Variants in SEPTIN9 observed in about 807,000 individuals in gnomAD.
SEPTIN9 encodes septin-9.
Under a neutral mutation model 56.6 loss-of-function variants are expected in SEPTIN9, and 13 were observed. That is an observed-to-expected ratio of 0.23 (90% CI 0.15 to 0.37). SEPTIN9 has a LOEUF of 0.37. Ranked by LOEUF, SEPTIN9 falls within the 10% of genes least tolerant of loss-of-function variation. SEPTIN9 has a pLI of 1.00. For missense variants in SEPTIN9, 650 were observed against 823.1 expected (o/e 0.79, Z 2.57); for synonymous variants, 332 against 334.1 (o/e 0.99, Z 0.07).
At position 77,451,603 on chromosome 17, in the gene SEPTIN9, C is replaced by T. The variant is rs1248252862; in HGVS notation, c.722-30541C>T. On this transcript the variant is annotated intron_variant, in intron 3 of 11. Coordinates refer to ENST00000427177, the MANE Select transcript of SEPTIN9 (RefSeq NM_001113491.2). This position sits in a 1 kb window ranked among gnomAD's most constrained non-coding sequence, Gnocchi z 4.2. ...GCTCTCAGGTGGCGCGGCCGCGAGG[C>T]GGACCCTGATGGCCATGGTGGCGGT... The T allele has an allele frequency of 3.1e-6, 3 of 963,004 alleles. No individual in the cohort carries two copies. Among genetic ancestry groups the T allele is most frequent in the Middle Eastern group, 5.2e-4 (1 of 1,906 alleles). The allele number at this position is 963,004 out of a possible 1,614,324, so 59.7% of individuals were successfully genotyped here.
intron 10 of SEPTIN9, 35 bp downstream of exon 10, chr17:77,493,111 G>T: frequency 6.8e-7 from 1 of 1,475,906 alleles, no homozygotes; most frequent in Non-Finnish European, 9.3e-7. Flanking sequence ...CCAGACAGAT[G>T]GGAAGACAGT....
intron 2 of SEPTIN9, among the ~76,000 whole-genome samples, chr17:77,381,194 C>T (rs1174396593): frequency 2.0e-5 from 3 of 152,194 alleles, no homozygotes; most frequent in Non-Finnish European, 4.4e-5. Context: ...CTTCCTGTAT[C>T]CAGGAGGTTC....
At chr17:77,419,456 C>T (rs907461835) in intron 3 of SEPTIN9, among the ~76,000 whole-genome samples, 3 of 152,022 alleles carry the variant, frequency 2.0e-5, no homozygotes, top group African/African-American at 7.2e-5. Context: ...GTTGCCCAGC[C>T]CAGGAAGAAG....
At chr17:77,430,023 A>G (rs2037068014) in intron 3 of SEPTIN9, among the ~76,000 whole-genome samples, 1 of 152,140 alleles carries the variant, frequency 6.6e-6, no homozygotes, top group Admixed American at 6.5e-5. Context: ...CCATGCAAGC[A>G]CAGTGCTTTC....
At chr17:77,338,326 G>C (rs769995361) in intron 2 of SEPTIN9, among the ~76,000 whole-genome samples, 5 of 144,916 alleles carry the variant, frequency 3.5e-5, no homozygotes, top group Admixed American at 6.9e-5. Context: ...CTTTTTCTTG[G>C]TAGAAGGTCT....
In SEPTIN9 at chr17:77,402,565, C is replaced by G. The variant is rs979440363; in HGVS notation, c.583C>G (p.Pro195Ala). ...PKRVEIQMPK[P>A]AEAPTAPSPA... ...GAGGGTGGAGATCCAGATGCCCAAG[C>G]CTGCTGAGGCGCCCACCGCCCCCAG... Residue 195 changes from proline to alanine, a missense_variant, in exon 3 of 12, where the codon CCT becomes GCT. This residue lies in a region of SEPTIN9 where 317 missense variants were observed against 329.1 expected (regional missense o/e 0.96). Coordinates refer to ENST00000427177, the MANE Select transcript of SEPTIN9 (RefSeq NM_001113491.2). The surrounding 1 kb of genome is among the most constrained non-coding windows in gnomAD (Gnocchi z 6.6). 31 of 1,610,868 alleles carry G rather than the reference C, an allele frequency of 1.9e-5. No individual in the cohort carries two copies. The highest frequency in any genetic ancestry group is 3.4e-5 in the Admixed American group (2 of 59,578).
In SEPTIN9 at chr17:77,435,493, C is replaced by T. The variant is rs57348408; in HGVS notation, c.721+32790C>T. Among the ~76,000 whole-genome samples, 512 of 152,260 alleles carry T rather than the reference C, an allele frequency of 3.4e-3. 2 individuals are homozygous for T. Among genetic ancestry groups the T allele is most frequent in the African/African-American group, 0.011 (471 of 41,556 alleles). On this transcript the variant is annotated intron_variant, in intron 3 of 11. Transcript: ENST00000427177. This position sits in a 1 kb window ranked among gnomAD's most constrained non-coding sequence, Gnocchi z 4.5. ...GGAGAAGTAGAGCAACCATGCCGGG[C>T]GGGTCGTCGTGCCCCAGTGCCGCCT...
At chr17:77,392,841 G>A (rs2035589092) in intron 2 of SEPTIN9, among the ~76,000 whole-genome samples, 1 of 152,116 alleles carries the variant, frequency 6.6e-6, no homozygotes, top group African/African-American at 2.4e-5. Flanking sequence ...GAGCCTGGGG[G>A]CCGCCCTCCA....
At chr17:77,289,952 A>G (rs962354927) in intron 1 of SEPTIN9, among the ~76,000 whole-genome samples, 1 of 152,108 alleles carries the variant, frequency 6.6e-6, no homozygotes, top group African/African-American at 2.4e-5. Flanking sequence ...AAAGGCGTAT[A>G]TTTTCAGAGT....
At chr17:77,464,844 C>T (rs898552442) in intron 3 of SEPTIN9, among the ~76,000 whole-genome samples, 4 of 152,128 alleles carry the variant, frequency 2.6e-5, no homozygotes, top group African/African-American at 7.2e-5. Context: ...CCACCCGCCT[C>T]AGCCTCCCAA....
intron 2 of SEPTIN9, among the ~76,000 whole-genome samples, chr17:77,348,540 T>C (rs1035652451): frequency 3.1e-4 from 47 of 152,286 alleles, no homozygotes; most frequent in African/African-American, 1.1e-3. Context: ...CCTCAGGCGA[T>C]CCGCCCACCC....
chr17:77,357,965 A>C (rs2034306286), intron 2 of SEPTIN9, among the ~76,000 whole-genome samples: 1 of 152,192 alleles, frequency 6.6e-6, no homozygotes. Flanking sequence ...CTATGAAACG[A>C]GGGCGTTAAA....
chr17:77,484,898 GTGGTGA>G lies in SEPTIN9; in HGVS notation c.914-2517_914-2512del, dbSNP rs1235441110. On this transcript the variant is annotated intron_variant, in intron 4 of 11. Transcript: ENST00000427177. Reference sequence around the variant, plus strand: ...GATGGTTGTGATTGTGATGGTGGTGGTGGTGATGGTGATGATGGTGGTGATTGTGAT... The same window carrying G: ...GATGGTTGTGATTGTGATGGTGGTGGTGGTGATGATGGTGGTGATTGTGAT... Among the ~76,000 whole-genome samples, 341 of 97,302 alleles carry G rather than the reference GTGGTGA, an allele frequency of 3.5e-3. 13 individuals carry two copies. The highest frequency in any genetic ancestry group is 0.016 in the African/African-American group (256 of 16,326). 63.8% of individuals were successfully genotyped at this position (97,302 alleles called of 152,430 possible).
chr17:77,480,355 G>T (rs77618212), intron 3 of SEPTIN9, among the ~76,000 whole-genome samples: 1 of 152,328 alleles, frequency 6.6e-6, no homozygotes, highest in Non-Finnish European at 1.5e-5. Context: ...GCCTCCCTCC[G>T]ACACCCTCTG....
chr17:77,461,160 G>A (rs1422650912), intron 3 of SEPTIN9, among the ~76,000 whole-genome samples: 1 of 151,946 alleles, frequency 6.6e-6, no homozygotes, highest in Non-Finnish European at 1.5e-5. Flanking sequence ...CAAAAAATTG[G>A]CTGGGTGTGG....
intron 3 of SEPTIN9, among the ~76,000 whole-genome samples, chr17:77,431,645 A>G (rs1294962604): frequency 6.6e-6 from 1 of 152,132 alleles, no homozygotes; most frequent in East Asian, 1.9e-4. Flanking sequence ...CCTGGGCAAC[A>G]TGGCGAAACT....
At chr17:77,295,488 C>T (rs988469379) in intron 1 of SEPTIN9, among the ~76,000 whole-genome samples, 8 of 152,074 alleles carry the variant, frequency 5.3e-5, no homozygotes, top group Non-Finnish European at 8.8e-5. Context: ...GGAGAGCTCC[C>T]GCGCCCTCCC....
intron 3 of SEPTIN9, among the ~76,000 whole-genome samples, chr17:77,439,134 G>C (rs1206319396): frequency 2.0e-5 from 3 of 152,204 alleles, no homozygotes; most frequent in Admixed American, 2.0e-4. Context: ...GACTGGCCCA[G>C]GGTCATGCAG....
At chr17:77,486,130 T>TA (rs1198627357) in intron 4 of SEPTIN9, among the ~76,000 whole-genome samples, 2 of 151,750 alleles carry the variant, frequency 1.3e-5, no homozygotes, top group Non-Finnish European at 2.9e-5. Context: ...TTTGTTTTTT[T>TA]AAAAGACAGG....
Sources: gnomAD v4.1 joint callset for allele counts (sites outside exome capture counted in the v4.1 genomes callset) on GRCh38, gnomAD v4.1.1 for gene constraint, gnomAD v4.1.1 regional missense constraint, Gnocchi (gnomAD v3.1) non-coding constraint, MANE v1.5 for transcripts, NCBI Gene and HGNC (gene_info 2026-07-23, HGNC 2026-07-21) for gene names.